Variants in ADGRF4 observed in about 807,000 individuals in gnomAD.
ADGRF4 encodes G-protein coupled receptor PGR18.
A neutral mutation model predicts 58.5 loss-of-function variants in ADGRF4; 63 were observed. That is an observed-to-expected ratio of 1.08 (90% CI 0.88 to 1.33). ADGRF4 has a LOEUF of 1.33. Among genes scored for constraint, ADGRF4 ranks in the 40% most tolerant of loss-of-function variants. ADGRF4 has a pLI of 0.00. For synonymous variants in ADGRF4, 313 were observed against 295.4 expected (o/e 1.06, Z -0.61); for missense variants, 931 against 843.9 (o/e 1.10, Z -1.28).
chr6:47,701,401 T>A (rs1928462), intron 1 of ADGRF4, among the ~76,000 whole-genome samples: 150,027 of 152,250 alleles, frequency 0.99, 73,963 homozygotes, highest in Middle Eastern at 1. Context: ...AGAAGCTGCG[T>A]TTCTAGGTGG....
intron 9 of ADGRF4, among the ~76,000 whole-genome samples, chr6:47,720,553 C>T (rs954802437): frequency 2.6e-5 from 4 of 152,114 alleles, no homozygotes; most frequent in African/African-American, 9.7e-5. Flanking sequence ...AGGAGGACTG[C>T]AGAGGTGGAG....
At chr6:47,715,252 A>G in intron 6 of ADGRF4, 75 bp downstream of exon 6, 2 of 1,053,784 alleles carry the variant, frequency 1.9e-6, no homozygotes, top group Non-Finnish European at 2.8e-6. Flanking sequence ...TTGAAATTAT[A>G]TAACACAAAA....
In ADGRF4 at chr6:47,713,553, GA is replaced by G. The variant is rs149217249; in HGVS notation, c.553-242del. ...CTTGGGTTCTACACACTGCAGTCTG[GA>G]AATGCTGCCCTGCGTGCAATAATAA... On this transcript the variant is annotated intron_variant, in intron 5 of 9. Transcript: ENST00000283303. Among the ~76,000 whole-genome samples the G allele has an allele frequency of 4.3e-3, 658 of 152,262 alleles. 3 individuals are homozygous for G. Among genetic ancestry groups the G allele is most frequent in the African/African-American group, 0.014 (573 of 41,552 alleles).
chr6:47,701,879 G>A (rs1464391150), intron 1 of ADGRF4, among the ~76,000 whole-genome samples: 45 of 152,074 alleles, frequency 3.0e-4, no homozygotes, highest in Admixed American at 2.9e-3. Flanking sequence ...TATTGCCCAG[G>A]CTGGAGTGCA....
chr6:47,706,534 C>T (rs2113897271), intron 1 of ADGRF4, among the ~76,000 whole-genome samples: 1 of 152,296 alleles, frequency 6.6e-6, no homozygotes, highest in African/African-American at 2.4e-5. Context: ...TCCAAGGGCA[C>T]ATTTGACAAC....
chr6:47,718,592 A>T (rs1004503950), intron 9 of ADGRF4, 147 bp downstream of exon 9: 2 of 656,084 alleles, frequency 3.0e-6, no homozygotes, highest in South Asian at 1.8e-5. Flanking sequence ...GAATGGAAAC[A>T]TCTTTATTGT....
Position 47,714,192 on chromosome 6 carries a change from T to G in ADGRF4, c.947T>G (p.Val316Gly). 1 of 1,613,982 alleles carries G rather than the reference T, an allele frequency of 6.2e-7. No individual in the cohort carries two copies. Among genetic ancestry groups the G allele is most frequent in the Non-Finnish European group, 8.5e-7 (1 of 1,179,982 alleles). Residue 316 changes from valine (V) to glycine (G), a missense_variant, in exon 6 of 10, where the codon GTA (valine) becomes GGA (glycine). By Grantham distance (109) the Val-to-Gly change is moderately radical. Transcript: ENST00000283303. ...HLQNVSLPRQ[V>G]NGLVLSVVLP... is the part of the protein sequence containing the mutation. ...CAAAATGTGAGTCTTCCCAGACAGG[T>G]AAATGGTCTGGTGCTATCAGTGGTT...
chr6:47,714,642 A>G lies in ADGRF4; in HGVS notation c.1397A>G (p.Lys466Arg). Residue 466 changes from lysine (K) to arginine (R), a missense_variant, in exon 6 of 10, where the codon AAG (lysine) becomes AGG (arginine). Coordinates refer to ENST00000283303, the MANE Select transcript of ADGRF4 (RefSeq NM_153838.5). ...ATCATAGGCTCTCACTTTAACATTA[A>G]GGCCCAGGACTACAACATGTGTGTT... ...WFIIGSHFNI[K>R]AQDYNMCVAV... is the part of the protein sequence containing the mutation. The G allele has an allele frequency of 1.9e-6, 3 of 1,614,216 alleles. No homozygotes were observed. The highest frequency in any genetic ancestry group is 8.5e-7 in the Non-Finnish European group (1 of 1,180,036).
At chr6:47,720,804 T>A (rs536741589) in intron 9 of ADGRF4, among the ~76,000 whole-genome samples, 56 of 152,314 alleles carry the variant, frequency 3.7e-4, no homozygotes, top group African/African-American at 1.1e-3. Context: ...ACTAAAAGGA[T>A]ACAGAGTTTT....
rs369486491 is a variant in ADGRF4, at chr6:47,712,403, C to A, written c.347C>A (p.Pro116His). 1.1e-5 allele frequency: 17 copies of A among 1,613,806 alleles called. No individual in the cohort carries two copies. The highest frequency in any genetic ancestry group is 9.3e-6 in the Non-Finnish European group (11 of 1,179,700). Residue 116 changes from proline to histidine, a missense_variant, in exon 5 of 10, where the codon CCT (proline) becomes CAT (histidine). By Grantham distance (77) the Pro-to-His change is moderately conservative. Transcript: ENST00000283303. ...SRLSVAAPSI[P>H]LHILDFRAPE... Reference sequence around the variant, plus strand: ...CTTTCTGTAGCAGCACCATCTATACCTCTGCATATTCTAGACTTTCGAGCT... The same window carrying A: ...CTTTCTGTAGCAGCACCATCTATACATCTGCATATTCTAGACTTTCGAGCT...
intron 1 of ADGRF4, among the ~76,000 whole-genome samples, chr6:47,703,347 CAG>C (rs1771632782): frequency 6.6e-6 from 1 of 152,204 alleles, no homozygotes; most frequent in Non-Finnish European, 1.5e-5. Context: ...CTCTTCTCTG[CAG>C]AGGACTCTGG....
At position 47,714,322 on chromosome 6, in the gene ADGRF4, G is replaced by T. The variant is rs140327995; in HGVS notation, c.1077G>T (p.Trp359Cys). The change falls in exon 6 of 10, where the codon TGG (tryptophan) becomes TGT (cysteine). Residue 359 changes from tryptophan to cysteine, a missense_variant. Transcript: ENST00000283303. ...CVGWHSKKRR[W>C]DEKACQMMLD... ...GCTGGCACTCCAAGAAAAGGAGATG[G>T]GATGAGAAAGCGTGCCAAATGATGT... 1.2e-6 allele frequency: 2 copies of T among 1,614,162 alleles called. No individual in the cohort carries two copies.
At chr6:47,707,128 A>T in intron 1 of ADGRF4, 102 bp from the exon 2 acceptor site, 1 of 712,344 alleles carries the variant, frequency 1.4e-6, no homozygotes. Context: ...ACTATCTCAG[A>T]GTATCTAGTG....
chr6:47,715,392 T>C lies in ADGRF4; in HGVS notation c.1932+215T>C, dbSNP rs545347360. On this transcript the variant is annotated intron_variant, in intron 6 of 9. Coordinates refer to ENST00000283303, the MANE Select transcript of ADGRF4 (RefSeq NM_153838.5). ...ATCTCCTTCCTTCTTTCCTCACTGA[T>C]GCACCTGTATCCCTACTAAAGTTTC... The C allele has an allele frequency of 2.1e-3, 1,038 of 500,492 alleles. 3 individuals are homozygous for C. Among genetic ancestry groups the C allele is most frequent in the Non-Finnish European group, 2.9e-3 (811 of 281,400 alleles). 31.0% of individuals were successfully genotyped at this position (500,492 alleles called of 1,614,324 possible).
At chr6:47,708,309 T>A in intron 3 of ADGRF4, 31 bp downstream of exon 3, 2 of 1,537,668 alleles carry the variant, frequency 1.3e-6, no homozygotes, top group East Asian at 4.5e-5. Flanking sequence ...CTTCATCCAT[T>A]TGAAGACAGG....
Position 47,715,159 on chromosome 6 carries a change from C to G in ADGRF4, c.1914C>G (p.Ala638=). ...CCTTGACGTTCCATATAATTTTTGC[C>G]TTGCTCAATGCTTTCCAGGTAAGTT... ...GTSLTFHIIF[A]LLNAFQGFFI... The change falls in exon 6 of 10, where the codon GCC becomes GCG. Residue 638 remains alanine (A), a synonymous_variant. Coordinates refer to ENST00000283303, the MANE Select transcript of ADGRF4 (RefSeq NM_153838.5). The G allele has an allele frequency of 6.3e-7, 1 of 1,587,600 alleles. No individual in the cohort carries two copies. The highest frequency in any genetic ancestry group is 8.6e-7 in the Non-Finnish European group (1 of 1,159,626).
intron 8 of ADGRF4, 98 bp from the exon 9 acceptor site, chr6:47,718,291 T>A: frequency 1.3e-6 from 1 of 770,974 alleles, no homozygotes; most frequent in South Asian, 1.4e-5. Context: ...GGTACTCCTT[T>A]TCATGTATTC....
At position 47,714,604 on chromosome 6, in the gene ADGRF4, C is replaced by T. The variant is rs141843426; in HGVS notation, c.1359C>T (p.Ala453=). The change falls in exon 6 of 10, where the codon GCC becomes GCT. Residue 453 remains alanine (A), a synonymous_variant. Coordinates refer to ENST00000283303, the MANE Select transcript of ADGRF4 (RefSeq NM_153838.5). ...IVNIAVSLLT[A]NVWFIIGSHF... is the part of the protein sequence containing the mutation. Reference sequence around the variant, plus strand: ...ATATAGCAGTGTCCCTTCTGACTGCCAATGTGTGGTTTATCATAGGCTCTC... The same window carrying T: ...ATATAGCAGTGTCCCTTCTGACTGCTAATGTGTGGTTTATCATAGGCTCTC... The T allele has an allele frequency of 2.5e-6, 4 of 1,614,128 alleles. No individual in the cohort carries two copies. The highest frequency in any genetic ancestry group is 2.5e-6 in the Non-Finnish European group (3 of 1,180,002).
chr6:47,715,089 G>A lies in ADGRF4; in HGVS notation c.1844G>A (p.Gly615Glu), dbSNP rs777067434. 1.2e-6 allele frequency: 2 copies of A among 1,611,892 alleles called. No individual in the cohort carries two copies. The highest frequency in any genetic ancestry group is 4.5e-5 in the East Asian group (2 of 44,782). Residue 615 changes from glycine to glutamate, a missense_variant, in exon 6 of 10, where the codon GGA (glycine) becomes GAA (glutamate). Physicochemically the swap from Gly to Glu is moderately conservative, Grantham distance 98 (BLOSUM62 -2). Coordinates refer to ENST00000283303, the MANE Select transcript of ADGRF4 (RefSeq NM_153838.5). ...KNVAILTPLL[G>E]LTWGFGIATL... ...GTTGCCATCCTCACTCCACTGCTGG[G>A]ACTGACCTGGGGTTTTGGAATAGCC...
Sources: gnomAD v4.1 joint callset for allele counts (sites outside exome capture counted in the v4.1 genomes callset) on GRCh38, gnomAD v4.1.1 for gene constraint, MANE v1.5 for transcripts, NCBI Gene and HGNC (gene_info 2026-07-23, HGNC 2026-07-21) for gene names.